PCDHA6: variants seen among roughly 807,000 people sequenced by gnomAD.
PCDHA6 encodes protocadherin alpha-6.
Under a neutral mutation model 60.3 loss-of-function variants are expected in PCDHA6, and 55 were observed. That is an observed-to-expected ratio of 0.91 (90% CI 0.73 to 1.14). The LOEUF (loss-of-function observed/expected upper bound fraction) is 1.14. Ranked by LOEUF, PCDHA6 falls within the 50% of genes most tolerant of loss-of-function variation. The pLI, the probability that PCDHA6 is intolerant of heterozygous loss-of-function variation, is 0.00. For synonymous variants in PCDHA6, 652 were observed against 557.9 expected (o/e 1.17, Z -2.38); for missense variants, 1,327 against 1,256.5 (o/e 1.06, Z -0.85).
chr5:140,835,503 G>A, intron 1 of PCDHA6: 2 of 1,613,910 alleles, frequency 1.2e-6, no homozygotes, highest in Non-Finnish European at 1.7e-6. Flanking sequence ...ATTGATTAGC[G>A]TGTTTGACCG....
chr5:140,914,288 T>C (rs2076666061), intron 1 of PCDHA6, among the ~76,000 whole-genome samples: 1 of 152,210 alleles, frequency 6.6e-6, no homozygotes, highest in African/African-American at 2.4e-5. Flanking sequence ...ATAATTGTTA[T>C]ATCCTCTTGC....
chr5:140,839,557 T>A (rs1776285621), intron 1 of PCDHA6, among the ~76,000 whole-genome samples: 1 of 151,956 alleles, frequency 6.6e-6, no homozygotes, highest in Non-Finnish European at 1.5e-5. Context: ...GCCCAACTAA[T>A]TTTTGTATTT....
intron 1 of PCDHA6, among the ~76,000 whole-genome samples, chr5:140,937,993 G>A (rs1554211932): frequency 6.6e-6 from 1 of 151,358 alleles, no homozygotes. Flanking sequence ...TGTTAACTTT[G>A]TATCCAATGT....
intron 1 of PCDHA6, chr5:140,871,014 C>T (rs1554164974): frequency 1.2e-6 from 2 of 1,613,178 alleles, no homozygotes; most frequent in Admixed American, 1.7e-5. Flanking sequence ...GTGCCCTGGA[C>T]GAGGCAGACT....
intron 1 of PCDHA6, chr5:140,884,824 T>C: frequency 1.0e-6 from 1 of 993,590 alleles, no homozygotes; most frequent in Non-Finnish European, 1.4e-6. Context: ...ACATTATGTG[T>C]TGGATTATCC....
chr5:140,887,357 A>T (rs112910602), intron 1 of PCDHA6, among the ~76,000 whole-genome samples: 12,309 of 152,126 alleles, frequency 0.081, 539 homozygotes, highest in Middle Eastern at 0.13. Context: ...CGGCCTCCCA[A>T]AGTGCTGGGA....
chr5:140,921,257 A>G lies in PCDHA6; in HGVS notation c.2395-57692A>G, dbSNP rs115706395. On this transcript the variant is annotated intron_variant, in intron 1 of 3. Coordinates refer to ENST00000529310, the MANE Select transcript of PCDHA6 (RefSeq NM_018909.4). The stretch of plus-strand genomic sequence containing the variant: ...ATTAAGCCACAGATCAAAAAGTCCT[A>G]GACTTTTATACTTACTTGAAAAAAA... 1.4e-3 allele frequency among the ~76,000 whole-genome samples: 213 copies of G among 152,258 alleles called. 1 individual carries two copies. The highest frequency in any genetic ancestry group is 4.8e-3 in the African/African-American group (199 of 41,532).
At chr5:140,894,658 G>A (rs962936177) in intron 1 of PCDHA6, among the ~76,000 whole-genome samples, 4 of 151,172 alleles carry the variant, frequency 2.6e-5, no homozygotes, top group Non-Finnish European at 5.9e-5. Flanking sequence ...CTCTAATTCT[G>A]ATTTGTGTAT....
At chr5:140,862,216 T>C in intron 1 of PCDHA6, 1 of 205,622 alleles carries the variant, frequency 4.9e-6, no homozygotes, top group Non-Finnish European at 9.9e-6. Flanking sequence ...TGCACAGACT[T>C]GATAGAAGTC....
chr5:140,892,218 T>C (rs182162644), intron 1 of PCDHA6, among the ~76,000 whole-genome samples: 23 of 152,308 alleles, frequency 1.5e-4, no homozygotes, highest in Admixed American at 1.4e-3. Context: ...ATTGTATCTT[T>C]ATGGTGTTTT....
chr5:140,988,560 T>C (rs1184536302), intron 3 of PCDHA6, among the ~76,000 whole-genome samples: 3 of 152,138 alleles, frequency 2.0e-5, no homozygotes, highest in Admixed American at 2.0e-4. Context: ...CATCTTCTTC[T>C]TGGGAAAACA....
In PCDHA6 at chr5:140,876,858, G is replaced by A. The variant is rs201724019; in HGVS notation, c.2394+46373G>A. The A allele has an allele frequency of 1.3e-4, 215 of 1,614,152 alleles. No homozygotes were observed. In the East Asian group the frequency reaches 3.0e-3, roughly 22 times the overall value. ...CGTTCGCGCAGCCCGAGTACACAGT[G>A]TTCGTGAAGGAGAACAACCCGCCGG... On this transcript the variant is annotated intron_variant, in intron 1 of 3. Transcript: ENST00000529310.
chr5:140,868,890 G>A (rs1013785921), intron 1 of PCDHA6: 2 of 748,714 alleles, frequency 2.7e-6, no homozygotes, highest in African/African-American at 1.8e-5. Flanking sequence ...AGTTTTAGGC[G>A]CAAGGTGTCG....
chr5:140,857,402 C>T (rs2044569708), intron 1 of PCDHA6: 3 of 1,598,498 alleles, frequency 1.9e-6, no homozygotes, highest in Non-Finnish European at 2.6e-6. Flanking sequence ...CGACAACGCG[C>T]CTGCGTTCGC....
Position 140,853,518 on chromosome 5 carries a change from C to A in PCDHA6, c.2394+23033C>A. On this transcript the variant is annotated intron_variant, in intron 1 of 3. Coordinates refer to ENST00000529310, the MANE Select transcript of PCDHA6 (RefSeq NM_018909.4). ...AGAATCATGAAACAATAATGAAGCT[C>A]CTCCTATGTCTCTTTTCAAGTTGTA... 2.0e-6 allele frequency: 2 copies of A among 976,172 alleles called. 1 individual carries two copies. 60.5% of individuals were successfully genotyped at this position (976,172 alleles called of 1,614,324 possible).
chr5:140,943,274 A>AAAAG (rs1349019397), intron 1 of PCDHA6, among the ~76,000 whole-genome samples: 1 of 141,284 alleles, frequency 7.1e-6, no homozygotes, highest in Admixed American at 7.3e-5. Context: ...AAAAAAAAAA[A>AAAAG]AAAGAAAGAA....
intron 1 of PCDHA6, among the ~76,000 whole-genome samples, chr5:140,924,902 A>AAAAAAAT (rs1554202311): frequency 2.8e-4 from 11 of 39,026 alleles, no homozygotes; most frequent in Non-Finnish European, 5.7e-4. Context: ...CTCAAAAAAA[A>AAAAAAAT]AAATAAAATA....
intron 1 of PCDHA6, chr5:140,865,001 C>T (rs185152337): frequency 6.6e-6 from 1 of 152,206 alleles, no homozygotes; most frequent in East Asian, 1.9e-4. Flanking sequence ...AGTTTGAGAC[C>T]AGCCTCGGCA....
At chr5:140,877,375 C>G (rs782650940) in intron 1 of PCDHA6, 1 of 1,614,006 alleles carries the variant, frequency 6.2e-7, no homozygotes, top group Admixed American at 1.7e-5. Flanking sequence ...CAGCACGACA[C>G]GCATCCTGGA....
Sources: allele counts gnomAD v4.1 joint callset (sites outside exome capture counted in the v4.1 genomes callset), GRCh38; gene constraint gnomAD v4.1.1; transcripts MANE v1.5; gene names NCBI Gene and HGNC (gene_info 2026-07-23, HGNC 2026-07-21).